Variants in CAVIN2 observed in about 807,000 individuals in gnomAD.
CAVIN2 encodes the protein caveolae associated protein 2, also known as caveolae-associated protein 2.
A neutral mutation model predicts 11.7 loss-of-function variants in CAVIN2; 13 were observed. The ratio of observed to expected loss-of-function variants is 1.11; its 90% CI spans 0.72 to 1.77. The LOEUF (loss-of-function observed/expected upper bound fraction) is 1.77, where lower values mean the gene tolerates loss of function less well. CAVIN2 is among the 40% of genes most tolerant of loss of function. The pLI, the probability that CAVIN2 is intolerant of heterozygous loss-of-function variation, is 0.00. For missense variants in CAVIN2, 549 were observed against 542.9 expected, an observed-to-expected ratio of 1.01 and a Z score of -0.11; for synonymous variants, 237 against 223.2, an observed-to-expected ratio of 1.06 and a Z score of -0.55.
Position 191,836,570 on chromosome 2 carries a change from C to G in CAVIN2, c.631G>C (p.Asp211His), listed in dbSNP as rs367846421. 1.2e-6 allele frequency: 2 copies of G among 1,614,142 alleles called. No homozygotes were observed. Among genetic ancestry groups the G allele is most frequent in the Non-Finnish European group, 1.7e-6 (2 of 1,180,038 alleles). The change falls in exon 2 of 2, where the codon GAT becomes CAT. Residue 211 changes from aspartate to histidine, a missense_variant. Transcript: ENST00000304141. ...DLSSDDDLPH[D>H]EEALEDSAEE... ...GCACTGTCTTCCAGGGCCTCCTCATCGTGGGGCAAATCATCATCTGAGGAG... is the reference window on the plus strand; with the variant it reads ...GCACTGTCTTCCAGGGCCTCCTCATGGTGGGGCAAATCATCATCTGAGGAG...
intron 1 of CAVIN2, among the ~76,000 whole-genome samples, chr2:191,844,992 T>C (rs1690145022): frequency 6.6e-6 from 1 of 152,210 alleles, no homozygotes; most frequent in South Asian, 2.1e-4. Flanking sequence ...TTTGGTTTTG[T>C]TTGGAGATCA....
At chr2:191,840,463 C>G (rs1690077714) in intron 1 of CAVIN2, among the ~76,000 whole-genome samples, 1 of 152,144 alleles carries the variant, frequency 6.6e-6, no homozygotes, top group Non-Finnish European at 1.5e-5. Flanking sequence ...CACGAGAACC[C>G]TTAGGAGTTT....
intron 1 of CAVIN2, 46 bp from the exon 2 acceptor site, chr2:191,836,763 C>A (rs1300886803): frequency 1.2e-5 from 19 of 1,540,148 alleles, no homozygotes; most frequent in Non-Finnish European, 1.6e-5. Context: ...ACATATTTCA[C>A]AAATAGTCCT....
In CAVIN2 at chr2:191,836,352, G is replaced by A; in HGVS notation, c.849C>T (p.Ser283=). 1 of 1,614,108 alleles carries A rather than the reference G, an allele frequency of 6.2e-7. No homozygotes were observed. ...KSLTSNHQKI[S]SGKSSPFKVS... ...CCTTGAAGGGGGAGCTTTTTCCTGA[G>A]GATATTTTCTGGTGATTTGACGTGA... The change falls in exon 2 of 2, where the codon TCC becomes TCT. Residue 283 remains serine, a synonymous_variant. Coordinates refer to ENST00000304141, the MANE Select transcript of CAVIN2 (RefSeq NM_004657.6).
intron 1 of CAVIN2, among the ~76,000 whole-genome samples, chr2:191,845,696 T>G (rs552662172): frequency 5.3e-5 from 8 of 152,310 alleles, no homozygotes; most frequent in Admixed American, 3.9e-4. Context: ...GCCTTTTTAT[T>G]CTAAGGCAAC....
chr2:191,841,366 A>T (rs1261268478), intron 1 of CAVIN2, among the ~76,000 whole-genome samples: 1 of 152,176 alleles, frequency 6.6e-6, no homozygotes, highest in Admixed American at 6.5e-5. Flanking sequence ...GTAAACATGA[A>T]CTTTACCAAG....
chr2:191,837,685 C>T (rs567932163), intron 1 of CAVIN2, among the ~76,000 whole-genome samples: 4 of 152,202 alleles, frequency 2.6e-5, no homozygotes, highest in Non-Finnish European at 5.9e-5. Flanking sequence ...TGCAACATTG[C>T]TCACTGGGGA....
chr2:191,846,610 A>T lies in CAVIN2; in HGVS notation c.316T>A (p.Ser106Thr). Residue 106 changes from serine (S) to threonine (T), a missense_variant, in exon 1 of 2, where the codon TCC (serine) becomes ACC (threonine). Coordinates refer to ENST00000304141, the MANE Select transcript of CAVIN2 (RefSeq NM_004657.6). ...DLTKLSKYQA[S>T]TSNTVSKLLE... ...AGCTTGCTCACCGTGTTGCTGGTGG[A>T]GGCCTGGTACTTGGAGAGCTTGGTG... 6.2e-7 allele frequency: 1 copy of T among 1,614,234 alleles called. No individual in the cohort carries two copies. The highest frequency in any genetic ancestry group is 8.5e-7 in the Non-Finnish European group (1 of 1,180,038).
chr2:191,835,525 C>T lies in CAVIN2; in HGVS notation c.*398G>A, dbSNP rs1419760084. On this transcript the variant is annotated 3_prime_UTR_variant, in exon 2 of 2. Coordinates refer to ENST00000304141, the MANE Select transcript of CAVIN2 (RefSeq NM_004657.6). ...GAATAATAATTAGATTCACAGAGTA[C>T]GGTGGAAATACAATATATTACCGGT... The T allele has an allele frequency of 2.3e-5, 4 of 176,880 alleles. No individual in the cohort carries two copies. The East Asian group carries it at 4.3e-4, about 19-fold the overall frequency. 11.0% of individuals were successfully genotyped at this position (176,880 alleles called of 1,614,324 possible). A position where few individuals can be genotyped will look rare whatever the true frequency, so the allele number is the denominator to read the frequency against.
intron 1 of CAVIN2, among the ~76,000 whole-genome samples, chr2:191,843,041 G>A (rs1044022609): frequency 1.8e-4 from 27 of 152,172 alleles, no homozygotes; most frequent in African/African-American, 6.3e-4. Flanking sequence ...AAAATGAGCT[G>A]GGCGTGGTGG....
Position 191,836,079 on chromosome 2 carries a change from C to G in CAVIN2, c.1122G>C (p.Leu374Phe). The part of the protein sequence containing the change: ...SNSGMDSNID[L>F]TIVEDEEEES... ...CCTCCTCTTCATCTTCCACAATAGT[C>G]AAGTCGATGTTGCTGTCCATCCCCG... Residue 374 changes from leucine (L) to phenylalanine (F), a missense_variant, in exon 2 of 2, where the codon TTG becomes TTC. By Grantham distance (22) the Leu-to-Phe change is conservative. Coordinates refer to ENST00000304141, the MANE Select transcript of CAVIN2 (RefSeq NM_004657.6). The G allele has an allele frequency of 9.3e-6, 15 of 1,614,206 alleles. No homozygotes were observed. Among genetic ancestry groups the G allele is most frequent in the Non-Finnish European group, 1.3e-5 (15 of 1,180,040 alleles).
chr2:191,837,384 G>T lies in CAVIN2; in HGVS notation c.484-667C>A, dbSNP rs181238411. 4.6e-3 allele frequency among the ~76,000 whole-genome samples: 695 copies of T among 152,302 alleles called. 6 individuals are homozygous for T. Among genetic ancestry groups the T allele is most frequent in the African/African-American group, 0.016 (677 of 41,554 alleles). On this transcript the variant is annotated intron_variant, in intron 1 of 1. Transcript: ENST00000304141. ...CCTTCTGGTTTAGAATATCCTTTGG[G>T]GAGTTACTAAGCGGAGGTGAGATCT...
At position 191,846,602 on chromosome 2, in the gene CAVIN2, G is replaced by C; in HGVS notation, c.324C>G (p.Ser108Arg). 1.2e-6 allele frequency: 2 copies of C among 1,614,284 alleles called. No homozygotes were observed. The highest frequency in any genetic ancestry group is 1.7e-6 in the Non-Finnish European group (2 of 1,180,056). ...TCTCCAGCAGCTTGCTCACCGTGTT[G>C]CTGGTGGAGGCCTGGTACTTGGAGA... Reference protein sequence around the residue: ...TKLSKYQASTSNTVSKLLEKS... With the variant: ...TKLSKYQASTRNTVSKLLEKS... Residue 108 changes from serine (S) to arginine (R), a missense_variant, in exon 1 of 2, where the codon AGC becomes AGG. Physicochemically the swap from Ser to Arg is moderately radical, Grantham distance 110. Transcript: ENST00000304141.
rs1188033343 is a variant in CAVIN2 at position 191,846,609 on chromosome 2, G to C, written c.317C>G (p.Ser106Cys). The change falls in exon 1 of 2, where the codon TCC becomes TGC. Residue 106 changes from serine to cysteine, a missense_variant. Transcript: ENST00000304141. Reference protein sequence around the residue: ...DLTKLSKYQASTSNTVSKLLE... With the variant: ...DLTKLSKYQACTSNTVSKLLE... ...CAGCTTGCTCACCGTGTTGCTGGTG[G>C]AGGCCTGGTACTTGGAGAGCTTGGT... The C allele has an allele frequency of 1.2e-6, 2 of 1,614,262 alleles. No individual in the cohort carries two copies. The highest frequency in any genetic ancestry group is 1.1e-5 in the South Asian group (1 of 91,084).
intron 1 of CAVIN2, among the ~76,000 whole-genome samples, chr2:191,841,044 G>C (rs1010830826): frequency 6.6e-5 from 10 of 152,028 alleles, no homozygotes; most frequent in African/African-American, 2.4e-4. Context: ...CACATTGATG[G>C]TTTTCTCCGA....
Position 191,846,888 on chromosome 2 carries a change from T to TGCTGGAAC in CAVIN2, c.30_37dup (p.His13ArgfsTer29). On this transcript the variant is annotated frameshift_variant, in exon 1 of 2. Transcript: ENST00000304141. LOFTEE classifies it high-confidence loss of function. ...TTCCTGCCGCATGTCAGACCCAGGGTGCTGGAACTTTTCGGCCTGTGCAGC... is the reference window on the plus strand; with the variant it reads ...TTCCTGCCGCATGTCAGACCCAGGGTGCTGGAACGCTGGAACTTTTCGGCCTGTGCAGC... 1 of 1,613,554 alleles carries TGCTGGAAC rather than the reference T, an allele frequency of 6.2e-7. No homozygotes were observed. The highest frequency in any genetic ancestry group is 1.7e-5 in the Admixed American group (1 of 59,972).
chr2:191,837,469 T>C (rs919498995), intron 1 of CAVIN2, among the ~76,000 whole-genome samples: 5 of 152,324 alleles, frequency 3.3e-5, no homozygotes, highest in African/African-American at 1.2e-4. Flanking sequence ...TTATCAATTC[T>C]CTAGTGTTAC....
At chr2:191,839,234 A>C (rs1690060960) in intron 1 of CAVIN2, among the ~76,000 whole-genome samples, 1 of 152,248 alleles carries the variant, frequency 6.6e-6, no homozygotes, top group Admixed American at 6.5e-5. Context: ...CTTGGCTACC[A>C]GAGAAGAGGT....
chr2:191,834,728 T>C lies in CAVIN2; in HGVS notation c.*1195A>G, dbSNP rs1250018274. On this transcript the variant is annotated 3_prime_UTR_variant, in exon 2 of 2. Coordinates refer to ENST00000304141, the MANE Select transcript of CAVIN2 (RefSeq NM_004657.6). ...GCTTTAAGAAGTTAAGAAATATTAA[T>C]ATTCTGTGAAATTAATATGTAAATA... is the stretch of plus-strand genomic sequence containing the variant. 1.3e-5 allele frequency: 2 copies of C among 152,160 alleles called. No homozygotes were observed. The highest frequency in any genetic ancestry group is 1.5e-5 in the Non-Finnish European group (1 of 67,994). The allele number at this position is 152,160 out of a possible 1,614,324, so 9.4% of individuals were successfully genotyped here. A position where few individuals can be genotyped will look rare whatever the true frequency, so the allele number is the denominator to read the frequency against.
Sources: allele counts gnomAD v4.1 joint callset (sites outside exome capture counted in the v4.1 genomes callset), GRCh38; gene constraint gnomAD v4.1.1; transcripts MANE v1.5; gene names NCBI Gene and HGNC (gene_info 2026-07-23, HGNC 2026-07-21).